PPP2R2C: variants seen among roughly 807,000 people sequenced by gnomAD.
PPP2R2C encodes protein phosphatase 2, regulatory subunit B, gamma.
Under a neutral mutation model 45.3 loss-of-function variants are expected in PPP2R2C, and 10 were observed. That is an observed-to-expected ratio of 0.22 (90% CI 0.14 to 0.37). The LOEUF is 0.37. Ranked by LOEUF, PPP2R2C falls within the 10% of genes least tolerant of loss-of-function variation. PPP2R2C has a pLI of 1.00. For missense variants in PPP2R2C, 308 were observed against 619.7 expected (o/e 0.50, Z 5.34); for synonymous variants, 257 against 245.4 (o/e 1.05, Z -0.44).
chr4:6,472,039 G>GTGGGGTGGGATGGGGTGGGT, intron 1 of PPP2R2C, 121 bp downstream of exon 1: 2 of 1,218,826 alleles, frequency 1.6e-6, no homozygotes, highest in Non-Finnish European at 1.1e-6. Flanking sequence ...ATGGGGTGGG[G>GTGGGGTGGGATGGGGTGGGT]TGGGGTGGGG....
In PPP2R2C at chr4:6,381,583, G is replaced by A; in HGVS notation, c.71-489C>T. 4 of 1,439,116 alleles carry A rather than the reference G, an allele frequency of 2.8e-6. No individual in the cohort carries two copies. In the East Asian group the frequency reaches 7.5e-5, roughly 27 times the overall value. 89.1% of individuals were successfully genotyped at this position (1,439,116 alleles called of 1,614,324 possible). A position where few individuals can be genotyped will look rare whatever the true frequency, so the allele number is the denominator to read the frequency against. ...TCAGGGCTTCCCACACAGTAGGACAGAGGTGAATTACCCCCTCTCCTTCAG... is the reference window on the plus strand; with the variant it reads ...TCAGGGCTTCCCACACAGTAGGACAAAGGTGAATTACCCCCTCTCCTTCAG... On this transcript the variant is annotated intron_variant, in intron 1 of 8. Transcript: ENST00000382599.
intron 1 of PPP2R2C, among the ~76,000 whole-genome samples, chr4:6,437,970 T>C (rs1719973877): frequency 6.6e-6 from 1 of 152,234 alleles, no homozygotes; most frequent in African/African-American, 2.4e-5. Flanking sequence ...TCTGGATCAA[T>C]CCCAAACCCG....
intron 5 of PPP2R2C, chr4:6,349,707 G>A (rs1270297183): frequency 1.4e-6 from 1 of 730,288 alleles, no homozygotes; most frequent in Non-Finnish European, 1.7e-6. Flanking sequence ...TTGGAGACAA[G>A]CCTGACCAAC....
chr4:6,410,879 TTATTTATTA>T (rs1718140753), intron 1 of PPP2R2C, among the ~76,000 whole-genome samples: 1 of 149,046 alleles, frequency 6.7e-6, no homozygotes, highest in African/African-American at 2.6e-5. Flanking sequence ...ATTTATTTAT[TTATTTATTA>T]GACAGAGTCT....
intron 1 of PPP2R2C, among the ~76,000 whole-genome samples, chr4:6,460,158 C>T (rs1193168172): frequency 2.6e-5 from 4 of 152,158 alleles, no homozygotes; most frequent in Non-Finnish European, 5.9e-5. Flanking sequence ...GTGCCCCCTC[C>T]CCAAGATTCC....
At chr4:6,451,087 T>C (rs80117163) in intron 1 of PPP2R2C, among the ~76,000 whole-genome samples, 3,312 of 152,306 alleles carry the variant, frequency 0.022, 123 homozygotes, top group African/African-American at 0.076. Flanking sequence ...GGTCAGGCGA[T>C]GCTCTGGGCA....
At chr4:6,349,781 A>C (rs4247204) in intron 5 of PPP2R2C, 771,147 of 785,772 alleles carry the variant, frequency 0.98, 378,920 homozygotes, top group East Asian at 1. Context: ...GTCCCAGCTA[A>C]TCAGGAGGCT....
At chr4:6,466,667 C>T (rs530494523) in intron 1 of PPP2R2C, among the ~76,000 whole-genome samples, 5 of 152,232 alleles carry the variant, frequency 3.3e-5, no homozygotes, top group African/African-American at 9.6e-5. Flanking sequence ...CTTCATACAG[C>T]GGCTCTTCCA....
intron 1 of PPP2R2C, among the ~76,000 whole-genome samples, chr4:6,452,912 G>A (rs1249627116): frequency 6.6e-6 from 1 of 152,224 alleles, no homozygotes; most frequent in Non-Finnish European, 1.5e-5. Context: ...ACTGCCTACT[G>A]TCTAGAAGGG....
intron 1 of PPP2R2C, among the ~76,000 whole-genome samples, chr4:6,458,433 G>C (rs1367262558): frequency 6.6e-6 from 1 of 152,172 alleles, no homozygotes; most frequent in Non-Finnish European, 1.5e-5. Flanking sequence ...TCACATGACA[G>C]AAGGGCAAGG....
intron 1 of PPP2R2C, among the ~76,000 whole-genome samples, chr4:6,396,579 T>G (rs995322062): frequency 6.6e-6 from 1 of 152,212 alleles, no homozygotes; most frequent in South Asian, 2.1e-4. Flanking sequence ...GCCAGGGTGG[T>G]GAGCACCCCT....
In PPP2R2C at chr4:6,320,588, T is replaced by C. The variant is rs1194878394; in HGVS notation, c.*2714A>G. The C allele has an allele frequency of 6.6e-6, 1 of 152,632 alleles. No individual in the cohort carries two copies. The highest frequency in any genetic ancestry group is 2.4e-5 in the African/African-American group (1 of 41,456). The allele number at this position is 152,632 out of a possible 1,614,324, so 9.5% of individuals were successfully genotyped here. A position where few individuals can be genotyped will look rare whatever the true frequency, so the allele number is the denominator to read the frequency against. On this transcript the variant is annotated 3_prime_UTR_variant, in exon 9 of 9. Transcript: ENST00000382599. ...ACAGCATTCTGGACCTCGTTTTTGA[T>C]GTAACATTTGTTATTTTATTGGAAA...
At chr4:6,333,848 A>G (rs1323558268) in intron 6 of PPP2R2C, 117 bp from the exon 7 acceptor site, 3 of 1,134,656 alleles carry the variant, frequency 2.6e-6, no homozygotes, top group African/African-American at 1.5e-5. Flanking sequence ...TCATTCATTC[A>G]TTCCTCAAAC....
chr4:6,528,083 CGG>C (rs1560604143), intron 2 of PPP2R2C, among the ~76,000 whole-genome samples: 4 of 152,232 alleles, frequency 2.6e-5, no homozygotes, highest in Non-Finnish European at 5.9e-5. Flanking sequence ...CTTCTGAGTT[CGG>C]GGCCCTGTGT....
intron 1 of PPP2R2C, among the ~76,000 whole-genome samples, chr4:6,400,165 C>A (rs2109348103): frequency 6.6e-6 from 1 of 152,314 alleles, no homozygotes; most frequent in Middle Eastern, 3.4e-3. Flanking sequence ...GGGGTTCTCC[C>A]TTTTCCAACT....
chr4:6,507,245 G>A (rs1417368102), intron 2 of PPP2R2C, among the ~76,000 whole-genome samples: 1 of 152,234 alleles, frequency 6.6e-6, no homozygotes, highest in East Asian at 1.9e-4. Context: ...GATGAGGCCT[G>A]AGCCTCAGTT....
chr4:6,414,163 G>C, intron 1 of PPP2R2C: 1 of 1,063,664 alleles, frequency 9.4e-7, no homozygotes. Flanking sequence ...ATACGGCCTA[G>C]TATGCCTTTT....
intron 1 of PPP2R2C, among the ~76,000 whole-genome samples, chr4:6,446,740 G>C (rs2108740652): frequency 6.6e-6 from 1 of 152,170 alleles, no homozygotes; most frequent in Admixed American, 6.5e-5. Context: ...ACGGCCCACT[G>C]TCTCCCTGCT....
chr4:6,541,725 T>C (rs1724807856), intron 1 of PPP2R2C, among the ~76,000 whole-genome samples: 2 of 152,186 alleles, frequency 1.3e-5, no homozygotes, highest in Admixed American at 1.3e-4. Flanking sequence ...TTTGTATTTT[T>C]AGTAGAGTTG....
Sources: gnomAD v4.1 joint callset for allele counts (sites outside exome capture counted in the v4.1 genomes callset) on GRCh38, gnomAD v4.1.1 for gene constraint, MANE v1.5 for transcripts, NCBI Gene and HGNC (gene_info 2026-07-23, HGNC 2026-07-21) for gene names.